The following SEZ6L variants were observed in gnomAD, a reference collection of about 807,000 sequenced individuals.
The protein encoded by SEZ6L is seizure related 6 homolog like, also known as seizure 6-like protein.
In SEZ6L, 37 loss-of-function variants were observed where a neutral mutation model predicts 106.2. The observed-to-expected ratio is 0.35, with a 90% CI of 0.27 to 0.46. The LOEUF (loss-of-function observed/expected upper bound fraction) is 0.46. Ranked by LOEUF, SEZ6L falls within the 20% of genes least tolerant of loss-of-function variation. The pLI is 1.00. For missense variants in SEZ6L, 1,172 were observed against 1,332.8 expected (o/e 0.88, Z 1.88); for synonymous variants, 541 against 570.4 (o/e 0.95, Z 0.73).
chr22:26,209,720 G>A (rs1015846408), intron 1 of SEZ6L, among the ~76,000 whole-genome samples: 65 of 148,822 alleles, frequency 4.4e-4, no homozygotes, highest in African/African-American at 1.4e-3. Flanking sequence ...AAGGAGGAAG[G>A]GGAGGAAGGA....
At chr22:26,214,843 G>A (rs1415105781) in intron 1 of SEZ6L, among the ~76,000 whole-genome samples, 2 of 152,122 alleles carry the variant, frequency 1.3e-5, no homozygotes, top group African/African-American at 4.8e-5. Context: ...CTGGGTGGGT[G>A]GTGGGCATGG....
intron 1 of SEZ6L, among the ~76,000 whole-genome samples, chr22:26,190,675 C>T (rs946816064): frequency 3.3e-5 from 5 of 152,080 alleles, no homozygotes; most frequent in Admixed American, 2.6e-4. Flanking sequence ...CATGTAGGAC[C>T]CTGATTGGCC....
intron 1 of SEZ6L, among the ~76,000 whole-genome samples, chr22:26,252,546 T>C (rs2079635435): frequency 6.6e-6 from 1 of 152,208 alleles, no homozygotes; most frequent in East Asian, 1.9e-4. Context: ...TACCCAATCT[T>C]TAGTTTTTCA....
intron 1 of SEZ6L, among the ~76,000 whole-genome samples, chr22:26,216,864 G>A (rs994644054): frequency 2.6e-5 from 4 of 152,074 alleles, no homozygotes; most frequent in African/African-American, 9.7e-5. Flanking sequence ...GTTTGCATAT[G>A]GAAAATCTAA....
intron 12 of SEZ6L, among the ~76,000 whole-genome samples, chr22:26,363,419 A>C (rs73415305): frequency 0.023 from 3,577 of 152,312 alleles, 126 homozygotes; most frequent in African/African-American, 0.08. Context: ...GCACATAATA[A>C]TTGCTCAATA....
intron 1 of SEZ6L, among the ~76,000 whole-genome samples, chr22:26,279,655 T>C (rs558849244): frequency 1.6e-4 from 24 of 152,298 alleles, no homozygotes; most frequent in Non-Finnish European, 2.6e-4. Context: ...GCACTTGGTC[T>C]TGTGTGAGTA....
intron 1 of SEZ6L, among the ~76,000 whole-genome samples, chr22:26,179,126 G>A (rs968798963): frequency 5.9e-5 from 9 of 152,082 alleles, no homozygotes; most frequent in African/African-American, 9.7e-5. Flanking sequence ...GTGGAGACTC[G>A]TGCCTGTAAT....
At chr22:26,208,791 T>C (rs932791826) in intron 1 of SEZ6L, among the ~76,000 whole-genome samples, 1 of 151,884 alleles carries the variant, frequency 6.6e-6, no homozygotes, top group Admixed American at 6.6e-5. Context: ...TTTCAACTAT[T>C]ATATATTTAA....
intron 1 of SEZ6L, among the ~76,000 whole-genome samples, chr22:26,273,456 C>G (rs1340483656): frequency 6.6e-6 from 1 of 152,266 alleles, no homozygotes; most frequent in Non-Finnish European, 1.5e-5. Context: ...AAGGGAGGCT[C>G]TGTGCGCCGC....
At chr22:26,275,644 G>T (rs560741053) in intron 1 of SEZ6L, among the ~76,000 whole-genome samples, 1 of 152,260 alleles carries the variant, frequency 6.6e-6, no homozygotes, top group South Asian at 2.1e-4. Context: ...CATACCACAG[G>T]CCTCAGTTTG....
intron 1 of SEZ6L, among the ~76,000 whole-genome samples, chr22:26,264,463 C>A (rs534432630): frequency 4.6e-5 from 7 of 152,176 alleles, no homozygotes; most frequent in African/African-American, 1.7e-4. Flanking sequence ...AATTTAATGC[C>A]AAAATGGGTC....
At chr22:26,179,962 A>G (rs1211256559) in intron 1 of SEZ6L, among the ~76,000 whole-genome samples, 1 of 152,228 alleles carries the variant, frequency 6.6e-6, no homozygotes, top group African/African-American at 2.4e-5. Context: ...TGAGTTCCTC[A>G]GTCCTACTAG....
Position 26,169,777 on chromosome 22 carries a change from G to A in SEZ6L, c.94+14G>A. 1 of 1,224,996 alleles carries A rather than the reference G, an allele frequency of 8.2e-7. No individual in the cohort carries two copies. Among genetic ancestry groups the A allele is most frequent in the Non-Finnish European group, 1.0e-6 (1 of 976,864 alleles). 75.9% of individuals were successfully genotyped at this position (1,224,996 alleles called of 1,614,324 possible). ...CGCTGGAGCGAGGTAAGCGCCCCGA[G>A]GGGCGGGGCGGGCAGGGGGCAAAGT... On this transcript the variant is annotated intron_variant, in intron 1 of 16. Transcript: ENST00000248933.
At chr22:26,243,138 C>G (rs1276610590) in intron 1 of SEZ6L, among the ~76,000 whole-genome samples, 2 of 152,210 alleles carry the variant, frequency 1.3e-5, no homozygotes, top group Non-Finnish European at 2.9e-5. Context: ...TCAAGGCCCA[C>G]TGTAATTCTG....
intron 1 of SEZ6L, among the ~76,000 whole-genome samples, chr22:26,277,252 C>T (rs181805285): frequency 3.9e-5 from 6 of 152,260 alleles, no homozygotes; most frequent in Admixed American, 2.0e-4. Flanking sequence ...GTGTGAGCCA[C>T]TGCACCCAGA....
intron 11 of SEZ6L, among the ~76,000 whole-genome samples, chr22:26,350,639 G>T (rs1016359734): frequency 6.8e-6 from 1 of 147,992 alleles, no homozygotes; most frequent in Non-Finnish European, 1.5e-5. Flanking sequence ...AAAAGGAAAA[G>T]AACTGAGTTA....
chr22:26,189,117 C>G (rs1034893974), intron 1 of SEZ6L, among the ~76,000 whole-genome samples: 1 of 152,134 alleles, frequency 6.6e-6, no homozygotes, highest in Non-Finnish European at 1.5e-5. Flanking sequence ...GGAACAGAAA[C>G]TTGTCAATAG....
intron 1 of SEZ6L, among the ~76,000 whole-genome samples, chr22:26,269,258 C>A (rs528932704): frequency 6.6e-6 from 1 of 152,314 alleles, no homozygotes; most frequent in East Asian, 1.9e-4. Flanking sequence ...CCACCTACAT[C>A]AGTGGGTCAG....
At chr22:26,279,833 G>A (rs999106135) in intron 1 of SEZ6L, among the ~76,000 whole-genome samples, 1 of 152,212 alleles carries the variant, frequency 6.6e-6, no homozygotes, top group African/African-American at 2.4e-5. Context: ...CTGCAGGAGA[G>A]AAGCTGATTT....
Sources: allele counts gnomAD v4.1 joint callset (sites outside exome capture counted in the v4.1 genomes callset), GRCh38; gene constraint gnomAD v4.1.1; transcripts MANE v1.5; gene names NCBI Gene and HGNC (gene_info 2026-07-23, HGNC 2026-07-21).